The following ASTN2 variants were observed in gnomAD, a reference collection of about 807,000 sequenced individuals.
ASTN2 encodes the protein astrotactin-2.
Under a neutral mutation model 139.8 loss-of-function variants are expected in ASTN2, and 54 were observed. That is an observed-to-expected ratio of 0.39 (90% CI 0.31 to 0.48). ASTN2 has a LOEUF of 0.48. Among genes scored for constraint, ASTN2 ranks in the 20% least tolerant of loss-of-function variants. The probability of loss-of-function intolerance (pLI) is 0.95; values close to 1 mark genes in which losing one functional copy is unlikely to be tolerated. For missense variants in ASTN2, 1,565 were observed against 1,725.1 expected (o/e 0.91, Z 1.64); for synonymous variants, 756 against 719.5 (o/e 1.05, Z -0.81).
At chr9:117,393,747 C>T (rs1291605664) in intron 1 of ASTN2, among the ~76,000 whole-genome samples, 1 of 152,114 alleles carries the variant, frequency 6.6e-6, no homozygotes, top group Non-Finnish European at 1.5e-5. Context: ...TAGGAATGGG[C>T]AGGCTCTGAG....
At chr9:116,842,801 G>C (rs1047322673) in intron 11 of ASTN2, among the ~76,000 whole-genome samples, 4 of 152,106 alleles carry the variant, frequency 2.6e-5, no homozygotes, top group Admixed American at 2.6e-4. Context: ...TGGTAATGAA[G>C]GACAGCAGCT....
intron 10 of ASTN2, among the ~76,000 whole-genome samples, chr9:116,907,834 CGAAG>C (rs1207712247): frequency 6.6e-6 from 1 of 152,176 alleles, no homozygotes; most frequent in African/African-American, 2.4e-5. Context: ...GACGTGGGTC[CGAAG>C]CCTCCTGGGC....
intron 12 of ASTN2, among the ~76,000 whole-genome samples, chr9:116,813,724 G>A (rs1831227283): frequency 6.6e-6 from 1 of 152,058 alleles, no homozygotes; most frequent in Admixed American, 6.6e-5. Context: ...AATAAGGAAG[G>A]AATCAAATCC....
chr9:117,380,290 A>G (rs765428917), intron 1 of ASTN2, among the ~76,000 whole-genome samples: 11 of 152,174 alleles, frequency 7.2e-5, no homozygotes, highest in Non-Finnish European at 1.2e-4. Flanking sequence ...TTCTGGAGAA[A>G]GAGATCACAG....
At chr9:117,343,148 G>T (rs1329215207) in intron 1 of ASTN2, among the ~76,000 whole-genome samples, 1 of 152,158 alleles carries the variant, frequency 6.6e-6, no homozygotes, top group African/African-American at 2.4e-5. Flanking sequence ...GAGGCTCTAG[G>T]GGAGAAACTA....
At chr9:116,755,822 C>A (rs775169532) in intron 13 of ASTN2, among the ~76,000 whole-genome samples, 1 of 152,194 alleles carries the variant, frequency 6.6e-6, no homozygotes, top group East Asian at 1.9e-4. Flanking sequence ...AGAGGAATAT[C>A]TGAGTACGGA....
intron 5 of ASTN2, among the ~76,000 whole-genome samples, chr9:117,064,662 G>A (rs1827876779): frequency 1.3e-5 from 2 of 152,142 alleles, no homozygotes; most frequent in Admixed American, 6.5e-5. Flanking sequence ...AAGTAGGAGG[G>A]TCGGGGGGAA....
intron 19 of ASTN2, among the ~76,000 whole-genome samples, chr9:116,512,337 C>A (rs1850429516): frequency 6.6e-6 from 1 of 152,038 alleles, no homozygotes; most frequent in South Asian, 2.1e-4. Context: ...AATCTTGAGG[C>A]CTAGTTTGAT....
intron 1 of ASTN2, among the ~76,000 whole-genome samples, chr9:117,330,754 C>T (rs184321900): frequency 6.6e-6 from 1 of 152,300 alleles, no homozygotes; most frequent in East Asian, 1.9e-4. Flanking sequence ...GCAATTCCCA[C>T]CTTTCTTTGT....
At chr9:117,015,856 G>A (rs549094258) in intron 6 of ASTN2, among the ~76,000 whole-genome samples, 1 of 152,138 alleles carries the variant, frequency 6.6e-6, no homozygotes, top group South Asian at 2.1e-4. Context: ...AGTTTATGGT[G>A]TTATGCTAGT....
chr9:117,204,966 T>C (rs931895168), intron 3 of ASTN2, among the ~76,000 whole-genome samples: 3 of 152,202 alleles, frequency 2.0e-5, no homozygotes, highest in Non-Finnish European at 4.4e-5. Flanking sequence ...TTCAAGGCCA[T>C]ATTTATTGTC....
intron 2 of ASTN2, among the ~76,000 whole-genome samples, chr9:117,267,949 T>C (rs1299214622): frequency 1.3e-5 from 2 of 152,332 alleles, no homozygotes; most frequent in Non-Finnish European, 2.9e-5. Flanking sequence ...TGTTGTTACA[T>C]ATCAGGTGTC....
chr9:117,028,789 T>G (rs1300442837), intron 6 of ASTN2, among the ~76,000 whole-genome samples: 6 of 152,178 alleles, frequency 3.9e-5, no homozygotes, highest in Admixed American at 3.9e-4. Flanking sequence ...CCTGGGACAC[T>G]AATGTGATGG....
intron 22 of ASTN2, among the ~76,000 whole-genome samples, chr9:116,434,130 G>GAAGATATACCTTCAC (rs1847577538): frequency 6.6e-6 from 1 of 151,990 alleles, no homozygotes; most frequent in Non-Finnish European, 1.5e-5. Flanking sequence ...AGGTATAATT[G>GAAGATATACCTTCAC]AAGATACCTT....
chr9:116,942,092 AC>A (rs1835254373), intron 10 of ASTN2, among the ~76,000 whole-genome samples: 1 of 141,680 alleles, frequency 7.1e-6, no homozygotes, highest in Non-Finnish European at 1.5e-5. Flanking sequence ...GCACGCACGC[AC>A]ACACACACAC....
intron 16 of ASTN2, among the ~76,000 whole-genome samples, chr9:116,705,599 A>ACAT (rs1230824143): frequency 6.6e-6 from 1 of 152,212 alleles, no homozygotes; most frequent in Non-Finnish European, 1.5e-5. Context: ...CACTTATTAA[A>ACAT]CATATATAAG....
At chr9:117,178,643 C>A (rs1373919251) in intron 3 of ASTN2, among the ~76,000 whole-genome samples, 1 of 152,186 alleles carries the variant, frequency 6.6e-6, no homozygotes. Context: ...TCTCTGCTGG[C>A]AGGAAAAGTG....
Position 116,863,241 on chromosome 9 carries a change from C to T in ASTN2, c.2040+342G>A, listed in dbSNP as rs932188769. Among the ~76,000 whole-genome samples the T allele has an allele frequency of 2.6e-5, 4 of 152,208 alleles. No homozygotes were observed. The East Asian group carries it at 7.7e-4, about 29-fold the overall frequency. On this transcript the variant is annotated intron_variant, in intron 11 of 22. Coordinates refer to ENST00000313400, the MANE Select transcript of ASTN2 (RefSeq NM_001365068.1). ...CATACTAGTTACACCTCATTGACAT[C>T]CCGCCTACTATTGTATTCACAGAGG...
At chr9:117,263,520 A>G (rs1431113180) in intron 2 of ASTN2, among the ~76,000 whole-genome samples, 1 of 152,194 alleles carries the variant, frequency 6.6e-6, no homozygotes, top group Non-Finnish European at 1.5e-5. Flanking sequence ...TCTTTTAAAA[A>G]TAGAACTGGA....
Sources: allele counts gnomAD v4.1 joint callset (sites outside exome capture counted in the v4.1 genomes callset), GRCh38; gene constraint gnomAD v4.1.1; transcripts MANE v1.5; gene names NCBI Gene and HGNC (gene_info 2026-07-23, HGNC 2026-07-21).